CELSR1: variants seen among roughly 807,000 people sequenced by gnomAD.
CELSR1 encodes cadherin EGF LAG seven-pass G-type receptor 1.
A neutral mutation model predicts 249.1 loss-of-function variants in CELSR1; 110 were observed. The observed-to-expected ratio is 0.44, with a 90% confidence interval of 0.38 to 0.52. The LOEUF (loss-of-function observed/expected upper bound fraction) is 0.52, where lower values mean the gene tolerates loss of function less well. Ranked by LOEUF, CELSR1 falls within the 20% of genes least tolerant of loss-of-function variation. The pLI is 0.00. For synonymous variants in CELSR1, 2,113 were observed against 1,900.0 expected (o/e 1.11, Z -2.92); for missense variants, 4,109 against 4,296.4 (o/e 0.96, Z 1.22).
chr22:46,452,732 C>G (rs1202971462), intron 2 of CELSR1, among the ~76,000 whole-genome samples: 2 of 152,230 alleles, frequency 1.3e-5, no homozygotes, highest in Non-Finnish European at 2.9e-5. Flanking sequence ...TGAGGATGAG[C>G]CTGGTGGTGG....
intron 2 of CELSR1, among the ~76,000 whole-genome samples, chr22:46,457,302 G>A (rs2079967119): frequency 6.6e-6 from 1 of 152,008 alleles, no homozygotes; most frequent in South Asian, 2.1e-4. Flanking sequence ...CCAAGGTTGT[G>A]CCACTGCACT....
chr22:46,489,763 T>C (rs1422492997), intron 1 of CELSR1, among the ~76,000 whole-genome samples: 2 of 151,790 alleles, frequency 1.3e-5, no homozygotes, highest in Non-Finnish European at 2.9e-5. Flanking sequence ...GGCGTGGTGG[T>C]GCACATCTGT....
At chr22:46,532,491 A>G (rs2080801884) in intron 1 of CELSR1, among the ~76,000 whole-genome samples, 1 of 152,214 alleles carries the variant, frequency 6.6e-6, no homozygotes, top group South Asian at 2.1e-4. Context: ...AACCCTTCCT[A>G]TATTACAGAA....
Position 46,425,363 on chromosome 22 carries a change from G to T in CELSR1, c.4611+8030C>A, listed in dbSNP as rs550620213. Among the ~76,000 whole-genome samples, 4 of 152,334 alleles carry T rather than the reference G, an allele frequency of 2.6e-5. No homozygotes were observed. The East Asian group carries it at 5.8e-4, about 22-fold the overall frequency. On this transcript the variant is annotated intron_variant, in intron 5 of 34. Transcript: ENST00000674500. The stretch of plus-strand genomic sequence containing the variant: ...CTGGAAGAGATGTTGCAGAATTGAT[G>T]TAATTCTTTAAATATTTGTTAGAAT...
intron 1 of CELSR1, among the ~76,000 whole-genome samples, chr22:46,504,827 C>T (rs966583529): frequency 6.6e-6 from 1 of 152,182 alleles, no homozygotes; most frequent in African/African-American, 2.4e-5. Flanking sequence ...TCAAAAGTTA[C>T]TCACACACAC....
rs2079085560 is a variant in CELSR1 at position 46,391,102 on chromosome 22, A to C, written c.6250+84T>G. The C allele has an allele frequency of 2.7e-6, 3 of 1,128,594 alleles. No individual in the cohort carries two copies. Among genetic ancestry groups the C allele is most frequent in the Non-Finnish European group, 3.9e-6 (3 of 774,410 alleles). 69.9% of individuals were successfully genotyped at this position (1,128,594 alleles called of 1,614,324 possible). Reference sequence around the variant, plus strand: ...TGCGGATATTTTTTCAACACGAAACATTCCATGAGTCCCCACATCTCGACT... The same window carrying C: ...TGCGGATATTTTTTCAACACGAAACCTTCCATGAGTCCCCACATCTCGACT... On this transcript the variant is annotated intron_variant, in intron 16 of 34. Transcript: ENST00000674500. The surrounding 1 kb of genome is among the most constrained non-coding windows in gnomAD (Gnocchi z 4.3).
At position 46,390,956 on chromosome 22, in the gene CELSR1, G is replaced by A. The variant is rs1328190469; in HGVS notation, c.6250+230C>T. ...TGAGCGGCAGAGCAGGGACTGGCCG[G>A]GCCTGACTGGCGGGCGTCCCCACAC... On this transcript the variant is annotated intron_variant, in intron 16 of 34. Transcript: ENST00000674500. This position sits in a 1 kb window ranked among gnomAD's most constrained non-coding sequence, Gnocchi z 6.3. Among the ~76,000 whole-genome samples the A allele has an allele frequency of 2.0e-5, 3 of 152,310 alleles. No individual in the cohort carries two copies. Among genetic ancestry groups the A allele is most frequent in the Admixed American group, 6.5e-5 (1 of 15,310 alleles).
chr22:46,441,464 G>T lies in CELSR1; in HGVS notation c.4184-2053C>A, dbSNP rs2079748366. Among the ~76,000 whole-genome samples, 1 of 152,150 alleles carries T rather than the reference G, an allele frequency of 6.6e-6. No homozygotes were observed. On this transcript the variant is annotated intron_variant, in intron 2 of 34. Transcript: ENST00000674500. This position sits in a 1 kb window ranked among gnomAD's most constrained non-coding sequence, Gnocchi z 6.1. Reference sequence around the variant, plus strand: ...ATGAAAACACACTTACGACGCCTCAGTCTGCTTGGGCTGCCATAATGAAGC... The same window carrying T: ...ATGAAAACACACTTACGACGCCTCATTCTGCTTGGGCTGCCATAATGAAGC...
Position 46,454,333 on chromosome 22 carries a change from C to T in CELSR1, c.4183+9374G>A, listed in dbSNP as rs1044653634. Among the ~76,000 whole-genome samples, 1 of 152,182 alleles carries T rather than the reference C, an allele frequency of 6.6e-6. No individual in the cohort carries two copies. The highest frequency in any genetic ancestry group is 1.5e-5 in the Non-Finnish European group (1 of 68,034). On this transcript the variant is annotated intron_variant, in intron 2 of 34. Transcript: ENST00000674500. The surrounding 1 kb of genome is among the most constrained non-coding windows in gnomAD (Gnocchi z 5.1). ...CCCCTCGTGTGTGGAAATGTTACAG[C>T]GGCCACAGGAGACTCGTGCAGGGGT...
At position 46,391,625 on chromosome 22, in the gene CELSR1, A is replaced by G. The variant is rs1326693075; in HGVS notation, c.6148+8T>C. ...GTAACCTGCAGGGTGTCGAGGGGCAACGCGGACCTTCACAGCCGAGCGTGG... is the reference window on the plus strand; with the variant it reads ...GTAACCTGCAGGGTGTCGAGGGGCAGCGCGGACCTTCACAGCCGAGCGTGG... On this transcript the variant is annotated splice_region_variant and intron_variant, in intron 15 of 34. Transcript: ENST00000674500. The surrounding 1 kb of genome is among the most constrained non-coding windows in gnomAD (Gnocchi z 4.3). 1.9e-6 allele frequency: 3 copies of G among 1,589,428 alleles called. No individual in the cohort carries two copies. The highest frequency in any genetic ancestry group is 3.5e-5 in the Admixed American group (2 of 57,112).
chr22:46,385,225 T>TG (rs2079019748), intron 19 of CELSR1, among the ~76,000 whole-genome samples: 1 of 152,208 alleles, frequency 6.6e-6, no homozygotes, highest in African/African-American at 2.4e-5. Context: ...CTCAAGTAGC[T>TG]GGGAATACAG....
intron 2 of CELSR1, among the ~76,000 whole-genome samples, chr22:46,443,706 C>T (rs1297895187): frequency 6.6e-6 from 1 of 152,248 alleles, no homozygotes; most frequent in Non-Finnish European, 1.5e-5. Context: ...CCCTCACAGA[C>T]ACCTCACATC....
Position 46,391,963 on chromosome 22 carries a change from C to G in CELSR1, c.5965-147G>C. The G allele has an allele frequency of 2.4e-6, 2 of 834,452 alleles. No individual in the cohort carries two copies. 51.7% of individuals were successfully genotyped at this position (834,452 alleles called of 1,614,324 possible). A position where few individuals can be genotyped will look rare whatever the true frequency, so the allele number is the denominator to read the frequency against. On this transcript the variant is annotated intron_variant, in intron 14 of 34. Transcript: ENST00000674500. The surrounding 1 kb of genome is among the most constrained non-coding windows in gnomAD (Gnocchi z 4.3). The stretch of plus-strand genomic sequence containing the variant: ...CCACCCCTCATGGCTACCCTCTGCC[C>G]ACATCCCACACCCAACGGGGGCTGC...
chr22:46,368,029 A>G (rs1468157037), intron 27 of CELSR1, among the ~76,000 whole-genome samples, 174 bp from the exon 28 acceptor site: 3 of 152,142 alleles, frequency 2.0e-5, no homozygotes, highest in Admixed American at 6.5e-5. Flanking sequence ...GTAGCCAGGT[A>G]CGGACTCATC....
rs2080846654 is a variant in CELSR1, at chr22:46,535,780, T to C, written c.1391A>G (p.Tyr464Cys). The part of the protein sequence containing the change: ...DNYPQFSEQN[Y>C]VVQVPEDVGL... ...CACGTCCTCGGGCACCTGGACCACG[T>C]AGTTCTGCTCGCTGAACTGGGGGTA... Residue 464 changes from tyrosine to cysteine, a missense_variant, in exon 1 of 35, where the codon TAC (tyrosine) becomes TGC (cysteine). Coordinates refer to ENST00000674500, the MANE Select transcript of CELSR1 (RefSeq NM_001378328.1). 3 of 1,612,526 alleles carry C rather than the reference T, an allele frequency of 1.9e-6. No individual in the cohort carries two copies. Among genetic ancestry groups the C allele is most frequent in the East Asian group, 4.5e-5 (2 of 44,880 alleles).
chr22:46,463,179 A>AT (rs1490966241), intron 2 of CELSR1, among the ~76,000 whole-genome samples: 1 of 152,222 alleles, frequency 6.6e-6, no homozygotes, highest in Admixed American at 6.5e-5. Flanking sequence ...GAAAGTGAGT[A>AT]AGCCGTGGGC....
Position 46,369,672 on chromosome 22 carries a change from C to A in CELSR1, c.7872+20G>T. On this transcript the variant is annotated intron_variant, in intron 26 of 34. Coordinates refer to ENST00000674500, the MANE Select transcript of CELSR1 (RefSeq NM_001378328.1). ...TGCATGTTTGGGGCACCCGGACTCC[C>A]GTGAAGGCCCCACACTCACGATTAT... The A allele has an allele frequency of 6.2e-7, 1 of 1,606,258 alleles. No homozygotes were observed. Among genetic ancestry groups the A allele is most frequent in the Non-Finnish European group, 8.5e-7 (1 of 1,173,736 alleles).
At position 46,436,389 on chromosome 22, in the gene CELSR1, G is replaced by A; in HGVS notation, c.4407-100C>T. The A allele has an allele frequency of 2.6e-6, 2 of 758,378 alleles. No individual in the cohort carries two copies. The highest frequency in any genetic ancestry group is 2.7e-5 in the East Asian group (1 of 37,544). 47.0% of individuals were successfully genotyped at this position (758,378 alleles called of 1,614,324 possible). A position where few individuals can be genotyped will look rare whatever the true frequency, so the allele number is the denominator to read the frequency against. ...AGCCGGAGGAGGGCAAGCACGTGGG[G>A]CTACGATTCAGGAAAGAATGGTGTC... On this transcript the variant is annotated intron_variant, in intron 3 of 34. Coordinates refer to ENST00000674500, the MANE Select transcript of CELSR1 (RefSeq NM_001378328.1). This position sits in a 1 kb window ranked among gnomAD's most constrained non-coding sequence, Gnocchi z 5.9.
Position 46,396,891 on chromosome 22 carries a change from C to T in CELSR1, c.5702-145G>A, listed in dbSNP as rs1342390482. ...AAGAGGAAGAGTGCCACAGAGTCCC[C>T]GAAAACACAGCGTTAGGCGGGTTAG... On this transcript the variant is annotated intron_variant, in intron 12 of 34. Coordinates refer to ENST00000674500, the MANE Select transcript of CELSR1 (RefSeq NM_001378328.1). The surrounding 1 kb of genome is among the most constrained non-coding windows in gnomAD (Gnocchi z 6.4). The T allele has an allele frequency of 8.8e-6, 10 of 1,138,306 alleles. No individual in the cohort carries two copies. The highest frequency in any genetic ancestry group is 1.1e-5 in the Non-Finnish European group (9 of 804,816). The allele number at this position is 1,138,306 out of a possible 1,614,324, so 70.5% of individuals were successfully genotyped here.
Sources: allele counts gnomAD v4.1 joint callset (sites outside exome capture counted in the v4.1 genomes callset), GRCh38; gene constraint gnomAD v4.1.1; non-coding constraint Gnocchi (gnomAD v3.1); transcripts MANE v1.5; gene names NCBI Gene and HGNC (gene_info 2026-07-23, HGNC 2026-07-21).